Variants in YAF2 observed in about 807,000 individuals in gnomAD.
The protein encoded by YAF2 is YY1-associated factor 2.
YAF2 carries 7 observed loss-of-function variants against 20.1 expected under a neutral mutation model. The observed-to-expected ratio is 0.35, with a 90% CI of 0.20 to 0.65. The LOEUF (loss-of-function observed/expected upper bound fraction) is 0.65. YAF2 is among the 30% of genes least tolerant of loss of function. The probability of loss-of-function intolerance (pLI) is 0.69; values close to 1 mark genes in which losing one functional copy is unlikely to be tolerated. For synonymous variants in YAF2, 74 were observed against 76.0 expected, an observed-to-expected ratio of 0.97 and a Z score of 0.14; for missense variants, 151 against 219.2, an observed-to-expected ratio of 0.69 and a Z score of 1.96.
intron 2 of YAF2, among the ~76,000 whole-genome samples, chr12:42,217,608 T>C (rs924830922): frequency 1.3e-5 from 2 of 152,104 alleles, no homozygotes; most frequent in African/African-American, 4.8e-5. Flanking sequence ...ATCATTATCA[T>C]TAACTAAGAA....
intron 2 of YAF2, among the ~76,000 whole-genome samples, chr12:42,174,642 G>A (rs11181365): frequency 0.015 from 2,290 of 152,224 alleles, 54 homozygotes; most frequent in African/African-American, 0.052. Context: ...CCTTGCCCTA[G>A]AACTAGGGTG....
intron 2 of YAF2, among the ~76,000 whole-genome samples, chr12:42,223,481 T>C (rs1565651258): frequency 6.6e-6 from 1 of 151,946 alleles, no homozygotes; most frequent in Non-Finnish European, 1.5e-5. Flanking sequence ...AAACTGGAAA[T>C]TGGCCATGAT....
intron 2 of YAF2, among the ~76,000 whole-genome samples, chr12:42,223,355 C>CACACACAT (rs947742046): frequency 2.0e-5 from 3 of 149,942 alleles, no homozygotes; most frequent in Admixed American, 6.7e-5. Flanking sequence ...CACACACACA[C>CACACACAT]ATATATATAC....
intron 3 of YAF2, 172 bp from the exon 4 acceptor site, chr12:42,160,998 T>C (rs977411526): frequency 8.5e-6 from 5 of 591,706 alleles, no homozygotes; most frequent in Non-Finnish European, 1.5e-5. Context: ...TTAACATTAA[T>C]CAAACCAATC....
intron 2 of YAF2, among the ~76,000 whole-genome samples, chr12:42,209,225 A>G (rs1365225150): frequency 6.6e-6 from 1 of 151,862 alleles, no homozygotes. Context: ...GAAGTTCAAG[A>G]TACATTGAAA....
chr12:42,174,480 T>C (rs755050040), intron 2 of YAF2, among the ~76,000 whole-genome samples: 9 of 152,182 alleles, frequency 5.9e-5, no homozygotes, highest in Non-Finnish European at 1.3e-4. Context: ...CCTTCCAGTG[T>C]CCCAAATTTC....
At chr12:42,161,240 T>C (rs1357736348) in intron 3 of YAF2, 2 of 253,202 alleles carry the variant, frequency 7.9e-6, no homozygotes, top group Admixed American at 5.1e-5. Flanking sequence ...GGTATCATGA[T>C]TGTTATGACT....
At chr12:42,173,227 G>T (rs970661858) in intron 2 of YAF2, among the ~76,000 whole-genome samples, 7 of 152,156 alleles carry the variant, frequency 4.6e-5, no homozygotes, top group Non-Finnish European at 8.8e-5. Context: ...GAGCAGCTAA[G>T]ACTATAGTCA....
chr12:42,233,940 G>C, intron 2 of YAF2: 1 of 976,852 alleles, frequency 1.0e-6, no homozygotes, highest in Non-Finnish European at 1.2e-6. Flanking sequence ...GGAAGCCGAC[G>C]CAGACGGATC....
chr12:42,179,926 G>C (rs896173558), intron 2 of YAF2, among the ~76,000 whole-genome samples: 1 of 151,854 alleles, frequency 6.6e-6, no homozygotes, highest in African/African-American at 2.4e-5. Flanking sequence ...ACCATGCCTA[G>C]TTTTAGCTAA....
chr12:42,204,903 C>T (rs978601231), intron 2 of YAF2, among the ~76,000 whole-genome samples: 4 of 151,964 alleles, frequency 2.6e-5, no homozygotes, highest in Non-Finnish European at 1.5e-5. Flanking sequence ...TTAGTAGATG[C>T]CTAAGGATAG....
chr12:42,237,826 T>A, intron 1 of YAF2, 102 bp from the exon 2 acceptor site: 2 of 888,458 alleles, frequency 2.3e-6, no homozygotes, highest in Non-Finnish European at 2.6e-6. Flanking sequence ...CCGCCCCAAT[T>A]CTGCGACCCC....
In YAF2 at chr12:42,161,073, T is replaced by G. The variant is rs144536081; in HGVS notation, c.306-247A>C. On this transcript the variant is annotated intron_variant, in intron 3 of 3. Transcript: ENST00000534854. ...AGCCTAGAAGTAGAACTTGTGCTTC[T>G]ATAGCTGTATCATAATTTTGCAGAC... The G allele has an allele frequency of 7.7e-5, 35 of 457,438 alleles. 1 individual carries two copies. In the East Asian group the frequency reaches 1.0e-3, roughly 13 times the overall value. The allele number at this position is 457,438 out of a possible 1,614,324, so 28.3% of individuals were successfully genotyped here.
intron 2 of YAF2, among the ~76,000 whole-genome samples, chr12:42,221,063 A>G (rs1308969802): frequency 6.6e-6 from 1 of 152,230 alleles, no homozygotes; most frequent in African/African-American, 2.4e-5. Context: ...ATAGGAAAAA[A>G]GACAGCCATT....
At chr12:42,236,016 G>C (rs547827171) in intron 2 of YAF2, 1 of 1,535,580 alleles carries the variant, frequency 6.5e-7, no homozygotes, top group African/African-American at 1.4e-5. Context: ...AAACATATAG[G>C]CTCTTCTAGT....
intron 2 of YAF2, among the ~76,000 whole-genome samples, chr12:42,229,856 T>C (rs974289967): frequency 1.3e-5 from 2 of 152,226 alleles, no homozygotes; most frequent in Non-Finnish European, 2.9e-5. Context: ...TATGGGACTG[T>C]ATATGTGGTC....
intron 2 of YAF2, among the ~76,000 whole-genome samples, chr12:42,203,468 T>C (rs1038062989): frequency 2.0e-5 from 3 of 152,186 alleles, no homozygotes; most frequent in African/African-American, 7.2e-5. Flanking sequence ...GTCTTACCCT[T>C]GGCTTTAATG....
chr12:42,197,804 T>G (rs577253469), intron 2 of YAF2, among the ~76,000 whole-genome samples: 2 of 152,300 alleles, frequency 1.3e-5, no homozygotes, highest in South Asian at 2.1e-4. Flanking sequence ...TATAGAAAAT[T>G]TGGCTGCTAT....
At chr12:42,179,475 T>C (rs1420043718) in intron 2 of YAF2, among the ~76,000 whole-genome samples, 4 of 152,050 alleles carry the variant, frequency 2.6e-5, no homozygotes, top group Non-Finnish European at 1.5e-5. Context: ...ACCTCAATAA[T>C]AACAATGTGC....
Sources: allele counts gnomAD v4.1 joint callset (sites outside exome capture counted in the v4.1 genomes callset), GRCh38; gene constraint gnomAD v4.1.1; transcripts MANE v1.5; gene names NCBI Gene and HGNC (gene_info 2026-07-23, HGNC 2026-07-21).